The following ZDHHC11B variants were observed in gnomAD, a reference collection of about 807,000 sequenced individuals.
ZDHHC11B encodes the protein zDHHC palmitoyltransferase 11B (putative).
In ZDHHC11B, 17 loss-of-function variants were observed where a neutral mutation model predicts 42.3. The observed-to-expected ratio is 0.40, with a 90% CI of 0.27 to 0.60. ZDHHC11B has a LOEUF of 0.60. Among genes scored for constraint, ZDHHC11B ranks in the 20% least tolerant of loss-of-function variants. The pLI is 0.41. For missense variants in ZDHHC11B, 262 were observed against 463.2 expected, an observed-to-expected ratio of 0.57 and a Z score of 3.99; for synonymous variants, 123 against 193.5, an observed-to-expected ratio of 0.64 and a Z score of 3.02.
At chr5:776,525 C>G (rs1216925698) in intron 1 of ZDHHC11B, among the ~76,000 whole-genome samples, 1 of 151,870 alleles carries the variant, frequency 6.6e-6, no homozygotes, top group African/African-American at 2.4e-5. Context: ...TGGGCCCACG[C>G]AGTGTGCTCC....
intron 12 of ZDHHC11B, among the ~76,000 whole-genome samples, chr5:727,895 T>G (rs1231849319): frequency 6.6e-6 from 1 of 151,794 alleles, no homozygotes; most frequent in Non-Finnish European, 1.5e-5. Context: ...TAAGAAAGAC[T>G]TTTTAAAGCA....
chr5:783,965 C>CCGAAA (rs1175847395), intron 1 of ZDHHC11B, among the ~76,000 whole-genome samples: 2 of 150,956 alleles, frequency 1.3e-5, no homozygotes, highest in African/African-American at 4.9e-5. Flanking sequence ...GTTTACGTAA[C>CCGAAA]CGAAACCGCA....
At chr5:777,473 CCA>C (rs35153219) in intron 1 of ZDHHC11B, among the ~76,000 whole-genome samples, 96,509 of 150,120 alleles carry the variant, frequency 0.64, 27,913 homozygotes, top group South Asian at 0.74. Context: ...CGGCGCGCAC[CCA>C]GACTGAGCGG....
In ZDHHC11B at chr5:769,795, G is replaced by A. The variant is rs111625146; in HGVS notation, c.-229-865C>T. On this transcript the variant is annotated intron_variant, in intron 1 of 13. Transcript: ENST00000508859. ...TCTAAGACTGCTTTCCAGATTCAAG[G>A]AGCAGGGTGGGCCAGCACTCTGGTC... is the stretch of plus-strand genomic sequence containing the variant. Among the ~76,000 whole-genome samples, 27 of 152,084 alleles carry A rather than the reference G, an allele frequency of 1.8e-4. 3 individuals are homozygous for A. The highest frequency in any genetic ancestry group is 6.5e-4 in the African/African-American group (27 of 41,478).
At chr5:784,291 C>T (rs1472501709) in intron 1 of ZDHHC11B, among the ~76,000 whole-genome samples, 1 of 151,870 alleles carries the variant, frequency 6.6e-6, no homozygotes, top group African/African-American at 2.4e-5. Context: ...AATAGGGAAA[C>T]GGTTCCAGCC....
Position 715,396 on chromosome 5 carries a change from T to C in ZDHHC11B, c.*7+1405A>G, listed in dbSNP as rs1345488549. Among the ~76,000 whole-genome samples, 2 of 151,390 alleles carry C rather than the reference T, an allele frequency of 1.3e-5. 1 individual carries two copies. The highest frequency in any genetic ancestry group is 4.9e-5 in the African/African-American group (2 of 40,984). ...GAAATGGTGGGAGGAGCACGTAGACTCAGGTGCTGTTCTGTAGACATTCTA... is the reference window on the plus strand; with the variant it reads ...GAAATGGTGGGAGGAGCACGTAGACCCAGGTGCTGTTCTGTAGACATTCTA... On this transcript the variant is annotated intron_variant, in intron 13 of 13. Coordinates refer to ENST00000508859, the MANE Select transcript of ZDHHC11B (RefSeq NM_001351303.2).
intron 10 of ZDHHC11B, among the ~76,000 whole-genome samples, chr5:741,384 A>C (rs1744141417): frequency 6.7e-6 from 1 of 148,444 alleles, no homozygotes; most frequent in Non-Finnish European, 1.5e-5. Flanking sequence ...TGAAGAATGT[A>C]GTTTCTGCAA....
At chr5:738,748 ATG>A (rs1743810893) in intron 10 of ZDHHC11B, among the ~76,000 whole-genome samples, 1 of 149,858 alleles carries the variant, frequency 6.7e-6, no homozygotes, top group African/African-American at 2.4e-5. Context: ...CATGTGAAGA[ATG>A]AAGCTGGATC....
intron 13 of ZDHHC11B, among the ~76,000 whole-genome samples, chr5:715,367 A>T (rs1467179963): frequency 3.3e-5 from 5 of 151,154 alleles, no homozygotes; most frequent in Non-Finnish European, 7.4e-5. Context: ...TGTTCCACAC[A>T]AAGGAAATGG....
rs553227845 is a variant in ZDHHC11B at position 772,769 on chromosome 5, C to T, written c.-229-3839G>A. On this transcript the variant is annotated intron_variant, in intron 1 of 13. Coordinates refer to ENST00000508859, the MANE Select transcript of ZDHHC11B (RefSeq NM_001351303.2). ...GGGGTGGAGCAGTGCCGACCTCAGACGCCAGCTGCCAGAAATGCTTCCAAA... is the reference window on the plus strand; with the variant it reads ...GGGGTGGAGCAGTGCCGACCTCAGATGCCAGCTGCCAGAAATGCTTCCAAA... Among the ~76,000 whole-genome samples the T allele has an allele frequency of 9.1e-3, 1,371 of 151,326 alleles. 1 individual carries two copies. The highest frequency in any genetic ancestry group is 0.031 in the African/African-American group (1,270 of 40,926).
At chr5:750,588 G>A (rs1287629165) in intron 7 of ZDHHC11B, among the ~76,000 whole-genome samples, 1 of 130,100 alleles carries the variant, frequency 7.7e-6, no homozygotes, top group African/African-American at 2.5e-5. Context: ...GGTTAGGCGT[G>A]GACTCGCCTC....
rs117074764 is a variant in ZDHHC11B, at chr5:757,423, C to T, written c.223-1279G>A. On this transcript the variant is annotated intron_variant, in intron 4 of 13. Coordinates refer to ENST00000508859, the MANE Select transcript of ZDHHC11B (RefSeq NM_001351303.2). ...GCCAGGGGGCTGCTGTCCCTCCTGA[C>T]AGAGCCCCTCTCTGGAGCCCCCTCA... 1.6e-3 allele frequency among the ~76,000 whole-genome samples: 240 copies of T among 151,870 alleles called. 1 individual carries two copies. The East Asian group carries it at 0.016, about 10-fold the overall frequency.
intron 1 of ZDHHC11B, among the ~76,000 whole-genome samples, 106 bp downstream of exon 1, chr5:784,562 G>A (rs1463599087): frequency 6.6e-6 from 1 of 152,202 alleles, no homozygotes; most frequent in African/African-American, 2.4e-5. Context: ...GGAGCGCGGG[G>A]GGCAGGGGCT....
chr5:715,938 G>A (rs1322181147), intron 13 of ZDHHC11B, among the ~76,000 whole-genome samples: 1 of 151,108 alleles, frequency 6.6e-6, no homozygotes, highest in African/African-American at 2.4e-5. Flanking sequence ...CCCGATCATA[G>A]GGCTTTTCTT....
chr5:719,804 C>T lies in ZDHHC11B; in HGVS notation c.1059-2939G>A, dbSNP rs1742049654. Among the ~76,000 whole-genome samples, 3 of 151,730 alleles carry T rather than the reference C, an allele frequency of 2.0e-5. 1 individual carries two copies. The highest frequency in any genetic ancestry group is 7.3e-5 in the African/African-American group (3 of 41,168). ...GTTGTGTTTTCTGCACTTTCAGTTA[C>T]CTCTGGGCAACCACAGTCCAATAAT... On this transcript the variant is annotated intron_variant, in intron 12 of 13. Coordinates refer to ENST00000508859, the MANE Select transcript of ZDHHC11B (RefSeq NM_001351303.2).
At chr5:770,563 C>T (rs1432903644) in intron 1 of ZDHHC11B, among the ~76,000 whole-genome samples, 11 of 151,084 alleles carry the variant, frequency 7.3e-5, no homozygotes, top group Non-Finnish European at 1.6e-4. Flanking sequence ...CTCGGGATCA[C>T]GCACTCCCCA....
chr5:716,934 T>G, intron 12 of ZDHHC11B, 69 bp from the exon 13 acceptor site: 8 of 1,605,742 alleles, frequency 5.0e-6, no homozygotes, highest in Non-Finnish European at 5.1e-6. Context: ...ACTGCCAAAG[T>G]GCACAAAATG....
At chr5:777,244 C>CAA (rs1736585309) in intron 1 of ZDHHC11B, among the ~76,000 whole-genome samples, 1 of 151,870 alleles carries the variant, frequency 6.6e-6, no homozygotes, top group Non-Finnish European at 1.5e-5. Context: ...TACAGCTCTT[C>CAA]AAGGTGACGC....
chr5:769,749 T>C (rs1305440506), intron 1 of ZDHHC11B, among the ~76,000 whole-genome samples: 2 of 151,998 alleles, frequency 1.3e-5, no homozygotes, highest in African/African-American at 4.8e-5. Context: ...CTGGACATAA[T>C]CATCTAACAG....
Sources: allele counts gnomAD v4.1 joint callset (sites outside exome capture counted in the v4.1 genomes callset), GRCh38; gene constraint gnomAD v4.1.1; transcripts MANE v1.5; gene names NCBI Gene and HGNC (gene_info 2026-07-23, HGNC 2026-07-21).